Variants in DPP6 observed in about 807,000 individuals in gnomAD.
The protein encoded by DPP6 is A-type potassium channel modulatory protein DPP6.
DPP6 carries 69 observed loss-of-function variants against 122.6 expected under a neutral mutation model. The ratio of observed to expected loss-of-function variants is 0.56; its 90% CI spans 0.46 to 0.69. The LOEUF (loss-of-function observed/expected upper bound fraction) is 0.69. Ranked by LOEUF, DPP6 falls within the 30% of genes least tolerant of loss-of-function variation. The pLI, the probability that DPP6 is intolerant of heterozygous loss-of-function variation, is 0.00. For synonymous variants in DPP6, 418 were observed against 433.1 expected, an observed-to-expected ratio of 0.97 and a Z score of 0.43; for missense variants, 928 against 1,116.9, an observed-to-expected ratio of 0.83 and a Z score of 2.41.
Position 154,607,541 on chromosome 7 carries a change from G to A in DPP6, c.628-30280G>A, listed in dbSNP as rs370902531. 7.9e-4 allele frequency among the ~76,000 whole-genome samples: 53 copies of A among 67,012 alleles called. 4 individuals carry two copies. Among genetic ancestry groups the A allele is most frequent in the African/African-American group, 2.2e-3 (48 of 21,562 alleles). 44.0% of individuals were successfully genotyped at this position (67,012 alleles called of 152,430 possible). A position where few individuals can be genotyped will look rare whatever the true frequency, so the allele number is the denominator to read the frequency against. Reference sequence around the variant, plus strand: ...CGCGCCACTGCACTCCAGCCTGGGCGACAGAGCAAGACTCTGTCTCAAAAA... The same window carrying A: ...CGCGCCACTGCACTCCAGCCTGGGCAACAGAGCAAGACTCTGTCTCAAAAA... On this transcript the variant is annotated intron_variant, in intron 5 of 25. Coordinates refer to ENST00000377770, the MANE Select transcript of DPP6 (RefSeq NM_130797.4).
At chr7:153,798,475 C>T in the DPP6 span, among the ~76,000 whole-genome samples, 1 of 152,176 alleles carries the variant, frequency 6.6e-6, no homozygotes, top group Non-Finnish European at 1.5e-5. Context: ...TTCATTCAAC[C>T]TACTTGGGGC....
At chr7:154,189,018 G>A (rs1270955002) in intron 1 of DPP6, among the ~76,000 whole-genome samples, 3 of 152,218 alleles carry the variant, frequency 2.0e-5, no homozygotes, top group African/African-American at 7.2e-5. Flanking sequence ...TAGCCTGGGT[G>A]TTTGTGTTCT....
At chr7:154,065,569 C>G (rs4067507) in intron 1 of DPP6, among the ~76,000 whole-genome samples, 94,370 of 149,714 alleles carry the variant, frequency 0.63, 29,995 homozygotes, top group South Asian at 0.72. Context: ...ATACTACTAC[C>G]TAAGCAGTTA....
chr7:154,666,112 C>A (rs1308950656), intron 6 of DPP6, among the ~76,000 whole-genome samples: 1 of 151,174 alleles, frequency 6.6e-6, no homozygotes, highest in Non-Finnish European at 1.5e-5. Flanking sequence ...AGACTCGATT[C>A]ATATATATTC....
intron 6 of DPP6, among the ~76,000 whole-genome samples, chr7:154,645,265 C>G (rs1031900633): frequency 3.0e-4 from 46 of 151,982 alleles, no homozygotes; most frequent in African/African-American, 1.1e-3. Flanking sequence ...CGGGGTTTCA[C>G]CGTGTTAGCC....
chr7:154,340,614 T>C (rs1456647318), intron 1 of DPP6, among the ~76,000 whole-genome samples: 1 of 152,246 alleles, frequency 6.6e-6, no homozygotes, highest in Non-Finnish European at 1.5e-5. Flanking sequence ...TTTAAAACTA[T>C]ATTTGAAAAA....
chr7:153,783,365 AC>A, the DPP6 span, among the ~76,000 whole-genome samples: 781 of 152,288 alleles, frequency 5.1e-3, 3 homozygotes, highest in Middle Eastern at 0.01. Flanking sequence ...TCAGACACTT[AC>A]AAACATCAGA....
chr7:154,034,647 CTT>C (rs1361112569), intron 1 of DPP6, among the ~76,000 whole-genome samples: 1 of 151,912 alleles, frequency 6.6e-6, no homozygotes, highest in African/African-American at 2.4e-5. Context: ...GTGTAACACT[CTT>C]TTTAATTTTA....
chr7:154,251,853 G>A (rs1367036419), intron 1 of DPP6, among the ~76,000 whole-genome samples: 1 of 152,156 alleles, frequency 6.6e-6, no homozygotes, highest in African/African-American at 2.4e-5. Flanking sequence ...CACATTGAGG[G>A]TGGGTCTACC....
chr7:154,670,744 GTATCGGATAGGCTGTCATC>G (rs1370888011), intron 7 of DPP6, among the ~76,000 whole-genome samples: 7 of 152,116 alleles, frequency 4.6e-5, no homozygotes, highest in Non-Finnish European at 1.0e-4. Flanking sequence ...CCACAGAATT[GTATCGGATAGGCTGTCATC>G]TATCTTACAA....
intron 1 of DPP6, among the ~76,000 whole-genome samples, chr7:154,279,529 A>T: frequency 6.6e-6 from 1 of 152,198 alleles, no homozygotes; most frequent in East Asian, 1.9e-4. Flanking sequence ...CAATATGTAG[A>T]GTAGCACGCC....
chr7:154,193,974 C>T (rs1359736985), intron 1 of DPP6, among the ~76,000 whole-genome samples: 1 of 152,054 alleles, frequency 6.6e-6, no homozygotes, highest in Middle Eastern at 3.2e-3. Context: ...AATAGCAACT[C>T]TTTTCCTAAA....
chr7:153,935,199 T>C (rs1362753635), intron 1 of DPP6, among the ~76,000 whole-genome samples: 1 of 150,764 alleles, frequency 6.6e-6, no homozygotes, highest in Non-Finnish European at 1.5e-5. Context: ...GAAGGGGAGC[T>C]GCAGGTCAGC....
intron 1 of DPP6, among the ~76,000 whole-genome samples, chr7:153,935,761 G>A (rs1039112316): frequency 2.6e-5 from 4 of 152,110 alleles, no homozygotes; most frequent in African/African-American, 7.2e-5. Flanking sequence ...ACCACCACGC[G>A]CTGCTCTCCC....
chr7:154,452,533 T>C (rs1820473027), intron 2 of DPP6, among the ~76,000 whole-genome samples: 1 of 152,238 alleles, frequency 6.6e-6, no homozygotes, highest in Non-Finnish European at 1.5e-5. Flanking sequence ...TATGTGCTTT[T>C]TTAAAAAAAT....
At chr7:153,756,709 C>T in the DPP6 span, among the ~76,000 whole-genome samples, 2 of 151,650 alleles carry the variant, frequency 1.3e-5, no homozygotes, top group South Asian at 4.2e-4. Flanking sequence ...TTTTTATCAC[C>T]CAAAACTTAA....
At chr7:154,386,239 C>T (rs1449044824) in intron 1 of DPP6, among the ~76,000 whole-genome samples, 2 of 152,094 alleles carry the variant, frequency 1.3e-5, no homozygotes, top group Non-Finnish European at 2.9e-5. Flanking sequence ...CATCCTCTCG[C>T]ATTTCCAGTG....
intron 3 of DPP6, among the ~76,000 whole-genome samples, chr7:154,504,531 G>A (rs1358134830): frequency 1.3e-5 from 2 of 152,278 alleles, no homozygotes; most frequent in East Asian, 3.9e-4. Context: ...ATTTAAAAGA[G>A]ATGTGAGTAC....
intron 5 of DPP6, among the ~76,000 whole-genome samples, chr7:154,634,565 G>T (rs1835611835): frequency 6.6e-6 from 1 of 151,988 alleles, no homozygotes; most frequent in Non-Finnish European, 1.5e-5. Flanking sequence ...TTTTGATTTG[G>T]TTTGGTTTGG....
Sources: allele counts gnomAD v4.1 joint callset (sites outside exome capture counted in the v4.1 genomes callset), GRCh38; gene constraint gnomAD v4.1.1; transcripts MANE v1.5; gene names NCBI Gene and HGNC (gene_info 2026-07-23, HGNC 2026-07-21).